The following TAFA5 variants were observed in gnomAD, a reference collection of about 807,000 sequenced individuals.
The protein encoded by TAFA5 is chemokine-like protein TAFA-5.
TAFA5 carries 6 observed loss-of-function variants against 15.3 expected under a neutral mutation model. The ratio of observed to expected loss-of-function variants is 0.39; its 90% CI spans 0.21 to 0.77. The LOEUF (loss-of-function observed/expected upper bound fraction) is 0.77. Among genes scored for constraint, TAFA5 ranks in the 30% least tolerant of loss-of-function variants. The pLI is 0.41. For missense variants in TAFA5, 161 were observed against 193.1 expected (o/e 0.83, Z 0.98); for synonymous variants, 103 against 80.7 (o/e 1.28, Z -1.48).
chr22:48,528,270 C>G (rs1921849013), intron 1 of TAFA5, among the ~76,000 whole-genome samples: 1 of 152,194 alleles, frequency 6.6e-6, no homozygotes, highest in African/African-American at 2.4e-5. Flanking sequence ...GGGGCTGCTG[C>G]AGAGTTGCGG....
At chr22:48,592,359 C>T (rs1052642556) in intron 1 of TAFA5, among the ~76,000 whole-genome samples, 19 of 152,238 alleles carry the variant, frequency 1.2e-4, no homozygotes, top group African/African-American at 4.6e-4. Context: ...TCCCCATGCC[C>T]TGTCTGCTGC....
chr22:48,528,042 A>G (rs1921841064), intron 1 of TAFA5, among the ~76,000 whole-genome samples: 1 of 152,258 alleles, frequency 6.6e-6, no homozygotes, highest in Non-Finnish European at 1.5e-5. Flanking sequence ...TGAAAGCGGC[A>G]TAGACAGAGC....
chr22:48,613,100 C>T lies in TAFA5; in HGVS notation c.113-33497C>T, dbSNP rs1007180251. On this transcript the variant is annotated intron_variant, in intron 1 of 3. Coordinates refer to ENST00000402357, the MANE Select transcript of TAFA5 (RefSeq NM_001082967.3). ...GTGGTGCAGCCCGGCCATTTCCAGA[C>T]GGTTCCTGTGCTCGGGAATATGCTA... Among the ~76,000 whole-genome samples the T allele has an allele frequency of 5.3e-5, 8 of 152,214 alleles. No homozygotes were observed. In the East Asian group the frequency reaches 5.8e-4, roughly 11 times the overall value.
At chr22:48,507,455 G>A (rs974963970) in intron 1 of TAFA5, among the ~76,000 whole-genome samples, 15 of 152,174 alleles carry the variant, frequency 9.9e-5, no homozygotes, top group African/African-American at 3.4e-4. Context: ...TTGGAAAATC[G>A]CCAGACGTGG....
chr22:48,582,606 C>A (rs1443457250), intron 1 of TAFA5, among the ~76,000 whole-genome samples: 1 of 148,196 alleles, frequency 6.7e-6, no homozygotes, highest in Non-Finnish European at 1.5e-5. Context: ...ATACACCACA[C>A]GCCACACACA....
intron 3 of TAFA5, among the ~76,000 whole-genome samples, chr22:48,732,689 G>A (rs928785678): frequency 2.6e-5 from 4 of 152,196 alleles, no homozygotes; most frequent in Non-Finnish European, 5.9e-5. Flanking sequence ...AATTGATTCC[G>A]ATTTTGAAAG....
intron 2 of TAFA5, among the ~76,000 whole-genome samples, chr22:48,701,672 G>A (rs528247675): frequency 6.6e-5 from 10 of 152,322 alleles, no homozygotes; most frequent in East Asian, 5.8e-4. Context: ...AAGGCTGTGC[G>A]GAGGACCTGT....
At chr22:48,556,955 A>G (rs573695617) in intron 1 of TAFA5, among the ~76,000 whole-genome samples, 3 of 152,292 alleles carry the variant, frequency 2.0e-5, no homozygotes, top group Admixed American at 1.3e-4. Flanking sequence ...CCTGGGAGGA[A>G]AAGCAGATGG....
intron 1 of TAFA5, among the ~76,000 whole-genome samples, chr22:48,512,709 A>G (rs1347419448): frequency 1.3e-5 from 2 of 152,018 alleles, no homozygotes; most frequent in Non-Finnish European, 2.9e-5. Flanking sequence ...TCACGAGGTC[A>G]GGAGATCGAG....
At chr22:48,578,425 G>T (rs1923900560) in intron 1 of TAFA5, among the ~76,000 whole-genome samples, 1 of 152,222 alleles carries the variant, frequency 6.6e-6, no homozygotes, top group South Asian at 2.1e-4. Flanking sequence ...CAAGAAGAAA[G>T]AGTTTCTGTC....
chr22:48,600,349 C>A (rs1391873210), intron 1 of TAFA5, among the ~76,000 whole-genome samples: 3 of 152,222 alleles, frequency 2.0e-5, no homozygotes, highest in Admixed American at 2.0e-4. Context: ...GGGTGGCATC[C>A]TGCCTCCTAC....
At chr22:48,583,987 C>T (rs1337102711) in intron 1 of TAFA5, among the ~76,000 whole-genome samples, 2 of 145,660 alleles carry the variant, frequency 1.4e-5, no homozygotes, top group Admixed American at 6.9e-5. Context: ...ACACCATATA[C>T]ACCTACCCAC....
At chr22:48,686,741 A>G (rs953103147) in intron 2 of TAFA5, among the ~76,000 whole-genome samples, 8 of 150,946 alleles carry the variant, frequency 5.3e-5, no homozygotes, top group Non-Finnish European at 1.2e-4. Flanking sequence ...TGGTGAATCG[A>G]TTTTTGAATG....
intron 2 of TAFA5, among the ~76,000 whole-genome samples, chr22:48,684,942 C>A (rs994912244): frequency 6.6e-6 from 1 of 152,210 alleles, no homozygotes; most frequent in Non-Finnish European, 1.5e-5. Context: ...GGTTTATTCT[C>A]CGCCAGTGAC....
intron 1 of TAFA5, among the ~76,000 whole-genome samples, chr22:48,505,334 T>A (rs1920983554): frequency 6.6e-6 from 1 of 151,978 alleles, no homozygotes; most frequent in Non-Finnish European, 1.5e-5. Context: ...GGCTCAGGGA[T>A]CCATCATCTA....
chr22:48,565,878 A>AATGG (rs1239648052), intron 1 of TAFA5, among the ~76,000 whole-genome samples: 1 of 151,938 alleles, frequency 6.6e-6, no homozygotes, highest in Non-Finnish European at 1.5e-5. Flanking sequence ...ATGGTAGACA[A>AATGG]ATGGATGGAT....
intron 1 of TAFA5, among the ~76,000 whole-genome samples, chr22:48,607,743 G>A (rs1163856725): frequency 4.0e-5 from 6 of 151,310 alleles, no homozygotes; most frequent in Non-Finnish European, 1.5e-5. Context: ...TTGGGGAGGC[G>A]GGGTTGCCAG....
intron 1 of TAFA5, among the ~76,000 whole-genome samples, chr22:48,633,596 CCT>C (rs1031016751): frequency 1.4e-5 from 2 of 144,248 alleles, no homozygotes; most frequent in Non-Finnish European, 3.0e-5. Context: ...CTCTCTTTTC[CCT>C]CTCTCTGCAT....
intron 1 of TAFA5, chr22:48,544,293 C>G (rs1922574915): frequency 7.9e-6 from 2 of 251,780 alleles, no homozygotes; most frequent in African/African-American, 2.2e-5. Flanking sequence ...AGCTGTGGAC[C>G]TGGGGGGCAT....
Sources: allele counts gnomAD v4.1 joint callset (sites outside exome capture counted in the v4.1 genomes callset), GRCh38; gene constraint gnomAD v4.1.1; transcripts MANE v1.5; gene names NCBI Gene and HGNC (gene_info 2026-07-23, HGNC 2026-07-21).